ADAM22: variants seen among roughly 807,000 people sequenced by gnomAD.
ADAM22 encodes the protein disintegrin and metalloproteinase domain-containing protein 22.
Under a neutral mutation model 144.6 loss-of-function variants are expected in ADAM22, and 65 were observed. The ratio of observed to expected loss-of-function variants is 0.45; its 90% CI spans 0.37 to 0.55. ADAM22 has a LOEUF of 0.55. Among genes scored for constraint, ADAM22 ranks in the 20% least tolerant of loss-of-function variants. ADAM22 has a pLI of 0.00. For missense variants in ADAM22, 974 were observed against 1,184.9 expected (o/e 0.82, Z 2.61); for synonymous variants, 391 against 412.6 (o/e 0.95, Z 0.63).
intron 3 of ADAM22, among the ~76,000 whole-genome samples, chr7:88,015,424 A>C (rs897624295): frequency 6.6e-6 from 1 of 152,194 alleles, no homozygotes; most frequent in Non-Finnish European, 1.5e-5. Flanking sequence ...TGTATTCACC[A>C]TCCCTGCTGC....
chr7:88,111,620 C>T (rs1010239567), intron 5 of ADAM22, among the ~76,000 whole-genome samples: 7 of 152,092 alleles, frequency 4.6e-5, no homozygotes, highest in Non-Finnish European at 1.0e-4. Context: ...ATGGCTTTTT[C>T]ATTTCAAAAT....
At chr7:88,131,553 C>A in intron 11 of ADAM22, 118 bp downstream of exon 11, 2 of 1,078,328 alleles carry the variant, frequency 1.9e-6, no homozygotes, top group Non-Finnish European at 2.6e-6. Context: ...TGGCAGATGG[C>A]AGATAGATTT....
chr7:88,195,628 G>A (rs1292244809), intron 31 of ADAM22, among the ~76,000 whole-genome samples: 1 of 152,082 alleles, frequency 6.6e-6, no homozygotes, highest in Non-Finnish European at 1.5e-5. Context: ...CCATTCTCCT[G>A]CCTCAGCCTC....
Position 88,130,300 on chromosome 7 carries a change from A to C in ADAM22, c.754-88A>C, listed in dbSNP as rs115272427. 693 of 946,784 alleles carry C rather than the reference A, an allele frequency of 7.3e-4. 5 individuals carry two copies. The African/African-American group carries it at 0.01, about 14-fold the overall frequency. The allele number at this position is 946,784 out of a possible 1,614,324, so 58.6% of individuals were successfully genotyped here. ...TTTTTTTTTTTTTACATTTTTAGGG[A>C]TCTTTCAATTGCACCATGTTTTCTC... On this transcript the variant is annotated intron_variant, in intron 9 of 31. Transcript: ENST00000413139.
intron 12 of ADAM22, among the ~76,000 whole-genome samples, 188 bp from the exon 13 acceptor site, chr7:88,134,141 C>G (rs1832470520): frequency 6.6e-6 from 1 of 152,108 alleles, no homozygotes; most frequent in South Asian, 2.1e-4. Flanking sequence ...CCTAATCAAA[C>G]ATGGATTTTT....
intron 3 of ADAM22, among the ~76,000 whole-genome samples, chr7:88,039,464 A>AAAAAAAAAAAAAATATATAT: frequency 5.2e-5 from 4 of 76,400 alleles, no homozygotes; most frequent in African/African-American, 1.9e-4. Context: ...AAAAAAAAAA[A>AAAAAAAAAAAAAATATATAT]ATATATATAT....
At chr7:88,007,151 G>C (rs1376573374) in intron 3 of ADAM22, among the ~76,000 whole-genome samples, 1 of 152,160 alleles carries the variant, frequency 6.6e-6, no homozygotes, top group East Asian at 1.9e-4. Context: ...ATTTACAATT[G>C]CTTCAAAGAG....
At chr7:88,095,864 C>T (rs997020393) in intron 4 of ADAM22, among the ~76,000 whole-genome samples, 1 of 151,846 alleles carries the variant, frequency 6.6e-6, no homozygotes, top group African/African-American at 2.4e-5. Context: ...TTATTCTTGC[C>T]TTGACTCTTT....
intron 29 of ADAM22, 149 bp from the exon 30 acceptor site, chr7:88,186,466 G>T (rs1372697790): frequency 4.3e-6 from 3 of 699,088 alleles, no homozygotes; most frequent in Non-Finnish European, 5.2e-6. Context: ...TGTATAGACT[G>T]CCTCATAATC....
At chr7:88,166,747 G>T (rs968464981) in intron 24 of ADAM22, among the ~76,000 whole-genome samples, 2 of 152,110 alleles carry the variant, frequency 1.3e-5, no homozygotes, top group Admixed American at 6.6e-5. Flanking sequence ...AGAGTCCCTA[G>T]TCTTAGCAGT....
chr7:87,980,778 A>G (rs1209294847), intron 3 of ADAM22, among the ~76,000 whole-genome samples: 1 of 152,186 alleles, frequency 6.6e-6, no homozygotes, highest in African/African-American at 2.4e-5. Context: ...TGAAAAGCAC[A>G]GCCAGTTTCT....
At chr7:87,941,450 A>G (rs1842459056) in intron 2 of ADAM22, among the ~76,000 whole-genome samples, 1 of 152,082 alleles carries the variant, frequency 6.6e-6, no homozygotes, top group Non-Finnish European at 1.5e-5. Context: ...GTGGCGGAAA[A>G]TGGCTCCTAG....
intron 5 of ADAM22, among the ~76,000 whole-genome samples, chr7:88,112,900 A>G (rs146749495): frequency 0.013 from 2,048 of 152,120 alleles, 27 homozygotes; most frequent in Non-Finnish European, 0.021. Flanking sequence ...TTTTGTAGAG[A>G]GAGAGTCTTG....
chr7:88,080,011 C>T (rs1357715008), intron 4 of ADAM22, among the ~76,000 whole-genome samples: 1 of 152,204 alleles, frequency 6.6e-6, no homozygotes, highest in Non-Finnish European at 1.5e-5. Context: ...TAGACATCTA[C>T]AGAACTCTCC....
intron 3 of ADAM22, among the ~76,000 whole-genome samples, chr7:88,055,337 G>A (rs146970535): frequency 6.6e-6 from 1 of 151,798 alleles, no homozygotes; most frequent in East Asian, 1.9e-4. Context: ...GTAGAGATCA[G>A]CCTGGGTCAC....
rs150007860 is a variant in ADAM22, at chr7:87,994,096, C to T, written c.323+15684C>T. ...GAATACACTAAAAACCCTCTTTTTA[C>T]AAAAATTATATTGTGGCTTTGTGTT... On this transcript the variant is annotated intron_variant, in intron 3 of 31. Transcript: ENST00000413139. 2.0e-3 allele frequency among the ~76,000 whole-genome samples: 305 copies of T among 151,456 alleles called. 1 individual carries two copies. The highest frequency in any genetic ancestry group is 7.1e-3 in the African/African-American group (292 of 41,312).
chr7:88,149,578 T>C (rs1837708221), intron 18 of ADAM22, among the ~76,000 whole-genome samples: 2 of 152,122 alleles, frequency 1.3e-5, no homozygotes, highest in African/African-American at 4.8e-5. Context: ...GATTTCAAAA[T>C]GGTCACTGTA....
intron 14 of ADAM22, among the ~76,000 whole-genome samples, chr7:88,137,151 T>C (rs566452329): frequency 6.6e-6 from 1 of 152,282 alleles, no homozygotes; most frequent in African/African-American, 2.4e-5. Flanking sequence ...TTTGCATGTT[T>C]TCAGTTTATG....
intron 4 of ADAM22, among the ~76,000 whole-genome samples, chr7:88,087,663 A>T (rs1563189625): frequency 6.6e-6 from 1 of 152,186 alleles, no homozygotes; most frequent in African/African-American, 2.4e-5. Flanking sequence ...TCTGACTATT[A>T]GCATTGTTCT....
Sources: gnomAD v4.1 joint callset for allele counts (sites outside exome capture counted in the v4.1 genomes callset) on GRCh38, gnomAD v4.1.1 for gene constraint, MANE v1.5 for transcripts, NCBI Gene and HGNC (gene_info 2026-07-23, HGNC 2026-07-21) for gene names.